UGGT1: variants seen among roughly 807,000 people sequenced by gnomAD.
UGGT1 encodes UDP-glucose:glycoprotein glucosyltransferase 1.
UGGT1 carries 107 observed loss-of-function variants against 203.9 expected under a neutral mutation model. The ratio of observed to expected loss-of-function variants is 0.52; its 90% CI spans 0.45 to 0.62. UGGT1 has a LOEUF of 0.62. UGGT1 is among the 20% of genes least tolerant of loss of function. The pLI is 0.00. For synonymous variants in UGGT1, 628 were observed against 653.5 expected (o/e 0.96, Z 0.59); for missense variants, 1,673 against 1,867.2 (o/e 0.90, Z 1.92).
intron 25 of UGGT1, 89 bp downstream of exon 25, chr2:128,161,357 A>G (rs963225738): frequency 7.5e-6 from 11 of 1,458,422 alleles, no homozygotes; most frequent in East Asian, 4.7e-5. Flanking sequence ...TACTCATACT[A>G]CATATCCCAA....
Position 128,155,604 on chromosome 2 carries a change from T to G in UGGT1, c.2236+17T>G, listed in dbSNP as rs779674556. On this transcript the variant is annotated intron_variant, in intron 20 of 40. Coordinates refer to ENST00000259253, the MANE Select transcript of UGGT1 (RefSeq NM_020120.4). ...CAAAGAAAGGTAATCCATTTGAGGCTTATTATCTTGCATTCAACATTTTTT... is the reference window on the plus strand; with the variant it reads ...CAAAGAAAGGTAATCCATTTGAGGCGTATTATCTTGCATTCAACATTTTTT... 5.0e-6 allele frequency: 8 copies of G among 1,586,000 alleles called. No homozygotes were observed. Among genetic ancestry groups the G allele is most frequent in the Non-Finnish European group, 6.9e-6 (8 of 1,163,066 alleles).
intron 22 of UGGT1, among the ~76,000 whole-genome samples, chr2:128,158,876 A>T (rs1228363255): frequency 2.0e-5 from 3 of 152,178 alleles, no homozygotes; most frequent in Non-Finnish European, 4.4e-5. Flanking sequence ...CACTTCTAAA[A>T]CAAGTGCGTT....
At chr2:128,109,387 T>G (rs1687747499) in intron 4 of UGGT1, among the ~76,000 whole-genome samples, 1 of 152,082 alleles carries the variant, frequency 6.6e-6, no homozygotes, top group African/African-American at 2.4e-5. Flanking sequence ...TTTTTATTTT[T>G]TGTAGAGATG....
At chr2:128,180,775 C>A in intron 35 of UGGT1, 115 bp from the exon 36 acceptor site, 1 of 1,105,248 alleles carries the variant, frequency 9.0e-7, no homozygotes, top group Non-Finnish European at 1.3e-6. Flanking sequence ...TGTAAGACCA[C>A]TGTTTTGGTA....
Position 128,192,720 on chromosome 2 carries a change from T to C in UGGT1, c.*2978T>C, listed in dbSNP as rs2104859154. 6.6e-6 allele frequency: 1 copy of C among 152,332 alleles called. No individual in the cohort carries two copies. Among genetic ancestry groups the C allele is most frequent in the East Asian group, 1.9e-4 (1 of 5,176 alleles). The allele number at this position is 152,332 out of a possible 1,614,324, so 9.4% of individuals were successfully genotyped here. On this transcript the variant is annotated 3_prime_UTR_variant, in exon 41 of 41. Transcript: ENST00000259253. ...TGTTTGGTTTTAGAAGTTTACTGAA[T>C]GTTTCCCACATGGAGAATAATGGAT...
At position 128,099,660 on chromosome 2, in the gene UGGT1, C is replaced by T. The variant is rs73957667; in HGVS notation, c.194+2096C>T. ...TTCTGCTAAATAGACTTCCTTCCAT[C>T]GCCTCTCTCTGCCTTTCTTTCTCAG... On this transcript the variant is annotated intron_variant, in intron 2 of 40. Coordinates refer to ENST00000259253, the MANE Select transcript of UGGT1 (RefSeq NM_020120.4). Among the ~76,000 whole-genome samples the T allele has an allele frequency of 4.3e-3, 652 of 152,304 alleles. 6 individuals are homozygous for T. Among genetic ancestry groups the T allele is most frequent in the African/African-American group, 0.014 (563 of 41,566 alleles).
chr2:128,104,084 T>C, intron 3 of UGGT1, 70 bp downstream of exon 3: 1 of 1,234,402 alleles, frequency 8.1e-7, no homozygotes, highest in South Asian at 1.5e-5. Context: ...TGTCTCTTTA[T>C]AGTATGTGTG....
At chr2:128,184,988 A>C (rs571881536) in intron 38 of UGGT1, among the ~76,000 whole-genome samples, 15 of 151,298 alleles carry the variant, frequency 9.9e-5, no homozygotes, top group Admixed American at 9.9e-4. Flanking sequence ...GGCTCTACTT[A>C]CTTTAAAATT....
chr2:128,133,371 C>T (rs1043231669), intron 14 of UGGT1, 111 bp downstream of exon 14: 14 of 1,373,572 alleles, frequency 1.0e-5, no homozygotes, highest in Admixed American at 5.4e-5. Context: ...CTTCCTCCCC[C>T]ACCCTTCACC....
intron 18 of UGGT1, among the ~76,000 whole-genome samples, chr2:128,150,238 C>T (rs1044001923): frequency 4.6e-5 from 7 of 152,118 alleles, no homozygotes; most frequent in African/African-American, 1.7e-4. Context: ...GAGATTGAGA[C>T]CAGCCTGGCT....
chr2:128,186,599 C>G (rs943372405), intron 38 of UGGT1, 84 bp from the exon 39 acceptor site: 10 of 1,133,494 alleles, frequency 8.8e-6, no homozygotes, highest in African/African-American at 3.2e-5. Context: ...AGAGTGGGAC[C>G]CCATCTCTCA....
intron 26 of UGGT1, among the ~76,000 whole-genome samples, chr2:128,168,734 A>C (rs938737871): frequency 5.9e-5 from 9 of 152,190 alleles, no homozygotes; most frequent in Non-Finnish European, 1.3e-4. Context: ...ATGCAACAGG[A>C]AGTTACCATT....
intron 29 of UGGT1, 95 bp downstream of exon 29, chr2:128,172,857 G>A: frequency 8.4e-7 from 1 of 1,187,070 alleles, no homozygotes; most frequent in Non-Finnish European, 1.2e-6. Flanking sequence ...TCAGTGTTCA[G>A]GTATGATATT....
intron 6 of UGGT1, 46 bp from the exon 7 acceptor site, chr2:128,115,078 T>C (rs774544459): frequency 4.5e-5 from 70 of 1,566,530 alleles, no homozygotes; most frequent in Non-Finnish European, 5.4e-5. Context: ...CACTGTGACA[T>C]AGAAAGAGCT....
At position 128,192,844 on chromosome 2, in the gene UGGT1, C is replaced by T. The variant is rs1692332464; in HGVS notation, c.*3102C>T. ...GCTTGCCTGTCTGCTTGGGTGAATG[C>T]CTCTTGGGAGAGCGAAGATTACGTG... On this transcript the variant is annotated 3_prime_UTR_variant, in exon 41 of 41. Coordinates refer to ENST00000259253, the MANE Select transcript of UGGT1 (RefSeq NM_020120.4). 6.6e-6 allele frequency: 1 copy of T among 151,888 alleles called. No individual in the cohort carries two copies. The highest frequency in any genetic ancestry group is 2.4e-5 in the African/African-American group (1 of 41,338). The allele number at this position is 151,888 out of a possible 1,614,324, so 9.4% of individuals were successfully genotyped here. A position where few individuals can be genotyped will look rare whatever the true frequency, so the allele number is the denominator to read the frequency against.
intron 25 of UGGT1, among the ~76,000 whole-genome samples, chr2:128,163,748 A>T (rs1303857343): frequency 6.6e-6 from 1 of 151,948 alleles, no homozygotes; most frequent in Non-Finnish European, 1.5e-5. Context: ...AGAGGCAGGG[A>T]CAATAAAATT....
In UGGT1 at chr2:128,178,493, G is replaced by A; in HGVS notation, c.3739G>A (p.Glu1247Lys). ...GGGCTTTACAGGACAGAAGACTGAG[G>A]AAGTGAAGCAAGATAAAGATGACAT... is the stretch of plus-strand genomic sequence containing the variant. ...KWGFTGQKTE[E>K]VKQDKDDIIN... The change falls in exon 34 of 41, where the codon GAA (glutamate) becomes AAA (lysine). Residue 1247 changes from glutamate to lysine, a missense_variant. Transcript: ENST00000259253. 6.2e-7 allele frequency: 1 copy of A among 1,613,876 alleles called. No homozygotes were observed. Among genetic ancestry groups the A allele is most frequent in the Middle Eastern group, 1.7e-4 (1 of 5,904 alleles).
At chr2:128,183,123 C>T (rs546982566) in intron 37 of UGGT1, among the ~76,000 whole-genome samples, 2 of 152,246 alleles carry the variant, frequency 1.3e-5, no homozygotes, top group South Asian at 4.2e-4. Context: ...CCTTTTAGGT[C>T]GAACAGTGTG....
At chr2:128,153,379 T>C (rs1184830325) in intron 19 of UGGT1, among the ~76,000 whole-genome samples, 4 of 152,084 alleles carry the variant, frequency 2.6e-5, no homozygotes, top group Admixed American at 6.5e-5. Context: ...CCTTTTAAAG[T>C]ATACAATTCA....
Sources: allele counts gnomAD v4.1 joint callset (sites outside exome capture counted in the v4.1 genomes callset), GRCh38; gene constraint gnomAD v4.1.1; transcripts MANE v1.5; gene names NCBI Gene and HGNC (gene_info 2026-07-23, HGNC 2026-07-21).